Variants in OPCML observed in about 807,000 individuals in gnomAD.
OPCML encodes opioid-binding protein/cell adhesion molecule.
Under a neutral mutation model 37.8 loss-of-function variants are expected in OPCML, and 13 were observed. That is an observed-to-expected ratio of 0.34 (90% CI 0.22 to 0.55). The LOEUF (loss-of-function observed/expected upper bound fraction) is 0.55. Among genes scored for constraint, OPCML ranks in the 20% least tolerant of loss-of-function variants. The pLI is 0.91. For synonymous variants in OPCML, 176 were observed against 168.8 expected (o/e 1.04, Z -0.33); for missense variants, 341 against 435.6 (o/e 0.78, Z 1.93).
rs189998214 is a variant in OPCML at position 133,178,875 on chromosome 11, A to T, written c.62-235865T>A. ...GCAGGGCTTACAGAAACACACATAC[A>T]GTATGCAGATGTTTCAAAGAAAAAT... is the stretch of plus-strand genomic sequence containing the variant. On this transcript the variant is annotated intron_variant, in intron 1 of 7. Transcript: ENST00000524381. 1.4e-3 allele frequency among the ~76,000 whole-genome samples: 212 copies of T among 152,348 alleles called. 2 individuals are homozygous for T. The highest frequency in any genetic ancestry group is 4.9e-3 in the African/African-American group (205 of 41,582).
At chr11:133,189,171 T>C (rs993297795) in intron 1 of OPCML, among the ~76,000 whole-genome samples, 4 of 152,212 alleles carry the variant, frequency 2.6e-5, no homozygotes, top group Admixed American at 6.5e-5. Flanking sequence ...TCCATCACTA[T>C]GTCCTGGTTC....
intron 4 of OPCML, among the ~76,000 whole-genome samples, chr11:132,441,695 G>C (rs541504364): frequency 2.0e-5 from 3 of 152,172 alleles, no homozygotes; most frequent in Admixed American, 6.5e-5. Flanking sequence ...AAAAACTGAG[G>C]CTGTTTCCAT....
intron 2 of OPCML, among the ~76,000 whole-genome samples, chr11:132,868,294 T>C (rs1421853163): frequency 7.3e-6 from 1 of 137,444 alleles, no homozygotes; most frequent in Admixed American, 7.4e-5. Flanking sequence ...ATTGAGGCTG[T>C]GATTTTTTTT....
chr11:133,063,177 C>T (rs1012083877), intron 1 of OPCML, among the ~76,000 whole-genome samples: 2 of 152,240 alleles, frequency 1.3e-5, no homozygotes, highest in Non-Finnish European at 2.9e-5. Context: ...GGGCTCCAGT[C>T]TATAAGAGTT....
At chr11:132,791,353 A>G (rs1255859983) in intron 2 of OPCML, among the ~76,000 whole-genome samples, 1 of 152,194 alleles carries the variant, frequency 6.6e-6, no homozygotes, top group Non-Finnish European at 1.5e-5. Context: ...ATGAAAACAA[A>G]GTTACCTGTC....
chr11:132,793,057 C>A (rs572154751), intron 2 of OPCML, among the ~76,000 whole-genome samples: 61 of 152,238 alleles, frequency 4.0e-4, no homozygotes, highest in Middle Eastern at 6.8e-3. Context: ...TGGGGACTAT[C>A]GACTGGGGTC....
chr11:132,899,201 T>C (rs1943960670), intron 2 of OPCML, among the ~76,000 whole-genome samples: 1 of 152,188 alleles, frequency 6.6e-6, no homozygotes, highest in Non-Finnish European at 1.5e-5. Flanking sequence ...CAGTTATAAA[T>C]ACCAGCTGTG....
chr11:133,291,555 T>C (rs1408464996), intron 1 of OPCML, among the ~76,000 whole-genome samples: 5 of 152,206 alleles, frequency 3.3e-5, no homozygotes, highest in Non-Finnish European at 7.3e-5. Context: ...TGGTTGCAGG[T>C]TCTGCGCACT....
intron 1 of OPCML, among the ~76,000 whole-genome samples, chr11:133,381,070 G>A (rs1944918584): frequency 6.6e-6 from 1 of 152,212 alleles, no homozygotes; most frequent in Non-Finnish European, 1.5e-5. Context: ...AATGTGTTCT[G>A]AGGCAGCCTG....
At chr11:132,499,340 T>C (rs56021123) in intron 4 of OPCML, among the ~76,000 whole-genome samples, 5,240 of 152,224 alleles carry the variant, frequency 0.034, 299 homozygotes, top group African/African-American at 0.12. Flanking sequence ...CTCATGCCTG[T>C]TACGCTGCCT....
chr11:132,775,993 G>A (rs1016495223), intron 2 of OPCML, among the ~76,000 whole-genome samples: 1 of 152,144 alleles, frequency 6.6e-6, no homozygotes, highest in African/African-American at 2.4e-5. Flanking sequence ...GTGCAGTGGT[G>A]CGATCTCATC....
intron 1 of OPCML, among the ~76,000 whole-genome samples, chr11:133,456,212 A>G (rs972904034): frequency 1.3e-5 from 2 of 152,172 alleles, no homozygotes; most frequent in African/African-American, 4.8e-5. Flanking sequence ...TGCCAAGGAG[A>G]ACCTGGGGTG....
intron 1 of OPCML, among the ~76,000 whole-genome samples, chr11:133,273,878 G>A (rs1412857318): frequency 6.6e-6 from 1 of 152,216 alleles, no homozygotes; most frequent in Non-Finnish European, 1.5e-5. Flanking sequence ...GGAAGACCAT[G>A]GGTGACATCT....
chr11:133,410,336 C>T (rs74700085), intron 1 of OPCML, among the ~76,000 whole-genome samples: 14,566 of 152,070 alleles, frequency 0.096, 1,005 homozygotes, highest in African/African-American at 0.18. Flanking sequence ...CCTAATACTC[C>T]CATCTCCATA....
Position 132,728,404 on chromosome 11 carries a change from G to T in OPCML, c.147-71085C>A, listed in dbSNP as rs1016081604. Among the ~76,000 whole-genome samples, 9 of 152,318 alleles carry T rather than the reference G, an allele frequency of 5.9e-5. No individual in the cohort carries two copies. The East Asian group carries it at 7.7e-4, about 13-fold the overall frequency. On this transcript the variant is annotated intron_variant, in intron 2 of 7. Coordinates refer to ENST00000524381, the MANE Select transcript of OPCML (RefSeq NM_001012393.5). ...AGGCATCGTTTGGGTGTGCAGAGCT[G>T]CAAGAAGAGACAAAAGATGATGGAG...
In OPCML at chr11:132,520,017, C is replaced by T. The variant is rs189929229; in HGVS notation, c.505+9044G>A. On this transcript the variant is annotated intron_variant, in intron 4 of 7. Coordinates refer to ENST00000524381, the MANE Select transcript of OPCML (RefSeq NM_001012393.5). ...ACAGAGGAACAACAGGGACCTACAG[C>T]GGACAATGGCATGAATGTGGCTTTG... Among the ~76,000 whole-genome samples the T allele has an allele frequency of 5.8e-3, 888 of 152,208 alleles. 5 individuals are homozygous for T. The highest frequency in any genetic ancestry group is 0.02 in the African/African-American group (846 of 41,528).
At chr11:132,529,361 A>G (rs1228441742) in intron 3 of OPCML, 175 bp from the exon 4 acceptor site, 1 of 303,894 alleles carries the variant, frequency 3.3e-6, no homozygotes, top group Non-Finnish European at 4.8e-6. Flanking sequence ...CCTTGTATTT[A>G]TGGTAGAAGG....
At chr11:132,472,706 A>G (rs898180675) in intron 4 of OPCML, among the ~76,000 whole-genome samples, 5 of 152,198 alleles carry the variant, frequency 3.3e-5, no homozygotes, top group Non-Finnish European at 7.3e-5. Flanking sequence ...ACTGTGTGGG[A>G]GAGTGGAGCT....
intron 3 of OPCML, among the ~76,000 whole-genome samples, chr11:132,574,648 T>C (rs77083153): frequency 0.029 from 4,451 of 152,096 alleles, 236 homozygotes; most frequent in African/African-American, 0.1. Flanking sequence ...TCAATTTTCT[T>C]AATTTTGCTG....
Sources: allele counts gnomAD v4.1 joint callset (sites outside exome capture counted in the v4.1 genomes callset), GRCh38; gene constraint gnomAD v4.1.1; transcripts MANE v1.5; gene names NCBI Gene and HGNC (gene_info 2026-07-23, HGNC 2026-07-21).